ZBTB7A: variants seen among roughly 807,000 people sequenced by gnomAD.
ZBTB7A encodes the protein zinc finger and BTB domain-containing protein 7A.
Under a neutral mutation model 26.7 loss-of-function variants are expected in ZBTB7A, and 7 were observed. The observed-to-expected ratio is 0.26, with a 90% confidence interval of 0.15 to 0.49. The LOEUF is 0.49. ZBTB7A is among the 20% of genes least tolerant of loss of function. The probability of loss-of-function intolerance (pLI) is 0.98; values close to 1 mark genes in which losing one functional copy is unlikely to be tolerated. For synonymous variants in ZBTB7A, 452 were observed against 441.0 expected, an observed-to-expected ratio of 1.02 and a Z score of -0.31; for missense variants, 617 against 919.5, an observed-to-expected ratio of 0.67 and a Z score of 4.25.
chr19:4,054,840 G>A lies in ZBTB7A; in HGVS notation c.393C>T (p.Ile131=), dbSNP rs780835865. 6.2e-7 allele frequency: 1 copy of A among 1,606,828 alleles called. No homozygotes were observed. The highest frequency in any genetic ancestry group is 1.3e-5 in the African/African-American group (1 of 74,752). The change falls in exon 2 of 3, where the codon ATC becomes ATT. Residue 131 remains isoleucine, a synonymous_variant. Coordinates refer to ENST00000322357, the MANE Select transcript of ZBTB7A (RefSeq NM_015898.4). ...HVCADLLDRQ[I]LAADAGADAG... The stretch of plus-strand genomic sequence containing the variant: ...CGTCGGCGCCCGCGTCGGCCGCCAG[G>A]ATCTGCCGGTCCAGGAGGTCGGCGC...
In ZBTB7A at chr19:4,043,575, GC is replaced by G. The variant is rs1021679594; in HGVS notation, c.*4176del. Among the ~76,000 whole-genome samples, 1 of 151,324 alleles carries G rather than the reference GC, an allele frequency of 6.6e-6. No homozygotes were observed. The highest frequency in any genetic ancestry group is 2.4e-5 in the African/African-American group (1 of 41,122). On this transcript the variant is annotated 3_prime_UTR_variant, in exon 3 of 3. Transcript: ENST00000322357. ...CCCCGCCCCCCATTCACCAGGCCTG[GC>G]CCCTCCAAAGTCCAAGGCACCTCGA...
intron 1 of ZBTB7A, among the ~76,000 whole-genome samples, chr19:4,059,821 G>A (rs1443483633): frequency 3.3e-5 from 5 of 152,128 alleles, no homozygotes; most frequent in African/African-American, 7.2e-5. Context: ...CCCTGCCTCC[G>A]AGGTGGGAGA....
At position 4,052,863 on chromosome 19, in the gene ZBTB7A, T is replaced by C. The variant is rs1330559498; in HGVS notation, c.1262+1108A>G. Among the ~76,000 whole-genome samples, 1 of 152,338 alleles carries C rather than the reference T, an allele frequency of 6.6e-6. No individual in the cohort carries two copies. Among genetic ancestry groups the C allele is most frequent in the African/African-American group, 2.4e-5 (1 of 41,572 alleles). ...CAAGCTGAGCTGGCCTCAGGGCCTC[T>C]GCACTGGCTGTTCCCTCTGCCTGGA... On this transcript the variant is annotated intron_variant, in intron 2 of 2. Transcript: ENST00000322357. This position sits in a 1 kb window ranked among gnomAD's most constrained non-coding sequence, Gnocchi z 4.9.
chr19:4,054,184 TCCATGACGCCCTTGTCGTCGGCCCGCGA>T lies in ZBTB7A; in HGVS notation c.1021_1048del (p.Ser341ThrfsTer4). On this transcript the variant is annotated frameshift_variant, in exon 2 of 3. Coordinates refer to ENST00000322357, the MANE Select transcript of ZBTB7A (RefSeq NM_015898.4). LOFTEE classifies it high-confidence loss of function. ...GCCGCTGAAGTACTTCAGGTAGTAG[TCCATGACGCCCTTGTCGTCGGCCCGCGA>T]CTCCTCGTCGCTGTCCCCCGCCGCG... 1.3e-6 allele frequency: 2 copies of T among 1,597,560 alleles called. No individual in the cohort carries two copies. The highest frequency in any genetic ancestry group is 1.7e-6 in the Non-Finnish European group (2 of 1,177,730).
At position 4,047,711 on chromosome 19, in the gene ZBTB7A, G is replaced by T; in HGVS notation, c.*41C>A. 6.4e-7 allele frequency: 1 copy of T among 1,566,564 alleles called. No homozygotes were observed. Among genetic ancestry groups the T allele is most frequent in the African/African-American group, 1.4e-5 (1 of 71,528 alleles). On this transcript the variant is annotated 3_prime_UTR_variant, in exon 3 of 3. Transcript: ENST00000322357. The stretch of plus-strand genomic sequence containing the variant: ...TGGGTGATTTTTTTTCTCTCTCTCT[G>T]TCTCTCTCTTTCTCGGGTTTCTGTT...
chr19:4,056,407 G>A (rs1192047657), intron 1 of ZBTB7A, among the ~76,000 whole-genome samples: 1 of 152,194 alleles, frequency 6.6e-6, no homozygotes, highest in Non-Finnish European at 1.5e-5. Context: ...CCCCTCCGAG[G>A]AGGGCCCCCG....
At chr19:4,049,164 G>GTATATATATATATATATATA (rs748377446) in intron 2 of ZBTB7A, among the ~76,000 whole-genome samples, 1 of 21,176 alleles carries the variant, frequency 4.7e-5, no homozygotes, top group Non-Finnish European at 1.3e-4. Context: ...GTGTGTGTGT[G>GTATATATATATATATATATA]TGTGTATATA....
chr19:4,053,082 C>A (rs1010373531), intron 2 of ZBTB7A, among the ~76,000 whole-genome samples: 1 of 152,216 alleles, frequency 6.6e-6, no homozygotes, highest in African/African-American at 2.4e-5. Flanking sequence ...GGGCCTGTCA[C>A]CCTCTCCCAA....
intron 1 of ZBTB7A, among the ~76,000 whole-genome samples, chr19:4,060,362 C>G (rs2040626523): frequency 6.6e-6 from 1 of 152,240 alleles, no homozygotes; most frequent in Non-Finnish European, 1.5e-5. Flanking sequence ...CCCATCTAAC[C>G]TAAGGGTCAC....
intron 2 of ZBTB7A, among the ~76,000 whole-genome samples, chr19:4,053,605 G>A (rs1042295053): frequency 6.6e-6 from 1 of 151,274 alleles, no homozygotes; most frequent in Non-Finnish European, 1.5e-5. Context: ...GCGTGCATGT[G>A]TATGTGATGT....
Position 4,055,086 on chromosome 19 carries a change from G to A in ZBTB7A, c.147C>T (p.Arg49=). The A allele has an allele frequency of 6.2e-7, 1 of 1,610,054 alleles. No homozygotes were observed. The highest frequency in any genetic ancestry group is 8.5e-7 in the Non-Finnish European group (1 of 1,179,702). The change falls in exon 2 of 3, where the codon CGC becomes CGT. Residue 49 remains arginine, a synonymous_variant. Coordinates refer to ENST00000322357, the MANE Select transcript of ZBTB7A (RefSeq NM_015898.4). ...ACTGGCTGCAGGCGGCCAGCACCGA[G>A]CGGTGCGTGGGGAACTCGCGGCCCT... ...LVEGREFPTH[R]SVLAACSQYF... is the part of the protein sequence containing the mutation.
chr19:4,053,980 C>A lies in ZBTB7A; in HGVS notation c.1253G>T (p.Arg418Leu). The change falls in exon 2 of 3, where the codon CGC (arginine) becomes CTC (leucine). Residue 418 changes from arginine (R) to leucine (L), a missense_variant. This residue lies in a region of ZBTB7A where 41 missense variants were observed against 167.6 expected (regional missense o/e 0.24). Transcript: ENST00000322357. ...KPYECNICKVRFTRQDKLKVH... is the reference protein window; with the variant it reads ...KPYECNICKVLFTRQDKLKVH... The stretch of plus-strand genomic sequence containing the variant: ...GCGGCGGGCAGCTCACCTGGTGAAG[C>A]GGACCTTGCAGATGTTGCACTCGTA... 6.2e-7 allele frequency: 1 copy of A among 1,600,372 alleles called. No homozygotes were observed. Among genetic ancestry groups the A allele is most frequent in the South Asian group, 1.1e-5 (1 of 90,366 alleles).
In ZBTB7A at chr19:4,065,216, G is replaced by A. The variant is rs144546362; in HGVS notation, c.-16+1466C>T. Among the ~76,000 whole-genome samples the A allele has an allele frequency of 4.2e-3, 632 of 151,592 alleles. 8 individuals are homozygous for A. The highest frequency in any genetic ancestry group is 0.015 in the African/African-American group (613 of 41,386). On this transcript the variant is annotated intron_variant, in intron 1 of 2. Coordinates refer to ENST00000322357, the MANE Select transcript of ZBTB7A (RefSeq NM_015898.4). ...GGTCACGCGCTTTGGGGGCGCGGAC[G>A]GCGGGGACTGGGGTGCTCTCTCCGC... is the stretch of plus-strand genomic sequence containing the variant.
In ZBTB7A at chr19:4,054,470, C is replaced by T; in HGVS notation, c.763G>A (p.Gly255Ser). The change falls in exon 2 of 3, where the codon GGT (glycine) becomes AGT (serine). Residue 255 changes from glycine to serine, a missense_variant. Around this residue, in one of 5 missense-constraint regions of ZBTB7A, gnomAD observed 331 missense variants for 391.3 expected, o/e 0.85. Coordinates refer to ENST00000322357, the MANE Select transcript of ZBTB7A (RefSeq NM_015898.4). Reference protein sequence around the residue: ...PERDEDAPTGGLFPPPVAPPA... With the variant: ...PERDEDAPTGSLFPPPVAPPA... Reference sequence around the variant, plus strand: ...GGGGCCACCGGCGGCGGAAAGAGACCCCCGGTGGGGGCGTCCTCATCCCGC... The same window carrying T: ...GGGGCCACCGGCGGCGGAAAGAGACTCCCGGTGGGGGCGTCCTCATCCCGC... The T allele has an allele frequency of 1.5e-6, 2 of 1,370,402 alleles. No individual in the cohort carries two copies. Among genetic ancestry groups the T allele is most frequent in the Non-Finnish European group, 1.9e-6 (2 of 1,070,230 alleles). 84.9% of individuals were successfully genotyped at this position (1,370,402 alleles called of 1,614,324 possible).
chr19:4,059,384 G>C lies in ZBTB7A; in HGVS notation c.-15-4137C>G, dbSNP rs547226306. On this transcript the variant is annotated intron_variant, in intron 1 of 2. Coordinates refer to ENST00000322357, the MANE Select transcript of ZBTB7A (RefSeq NM_015898.4). The stretch of plus-strand genomic sequence containing the variant: ...GATCCCAGTTCCAGGTTGGGTCCGG[G>C]GGTCCCAGTCTCTGCCCTCTCCAGC... Among the ~76,000 whole-genome samples the C allele has an allele frequency of 1.2e-4, 19 of 152,236 alleles. No individual in the cohort carries two copies. In the South Asian group the frequency reaches 3.7e-3, roughly 30 times the overall value.
Position 4,043,428 on chromosome 19 carries a change from C to T in ZBTB7A, c.*4324G>A, listed in dbSNP as rs1403071360. Among the ~76,000 whole-genome samples the T allele has an allele frequency of 6.7e-6, 1 of 149,732 alleles. No homozygotes were observed. Among genetic ancestry groups the T allele is most frequent in the Non-Finnish European group, 1.5e-5 (1 of 67,668 alleles). ...ATTACTTTTAAAGCTTCTCCCTCCC[C>T]ACTCCCAAAAAGTGCATTTTTATCA... On this transcript the variant is annotated 3_prime_UTR_variant, in exon 3 of 3. Transcript: ENST00000322357.
At chr19:4,051,951 A>G (rs2040508419) in intron 2 of ZBTB7A, among the ~76,000 whole-genome samples, 1 of 151,366 alleles carries the variant, frequency 6.6e-6, no homozygotes, top group Admixed American at 6.6e-5. Context: ...CACTTACTCA[A>G]CGCCCTGCTG....
chr19:4,062,637 A>T (rs2145008053), intron 1 of ZBTB7A: 2 of 152,308 alleles, frequency 1.3e-5, no homozygotes, highest in East Asian at 3.9e-4. Context: ...TACCAGCAGG[A>T]GATGAAATCC....
intron 1 of ZBTB7A, among the ~76,000 whole-genome samples, chr19:4,055,822 C>CA (rs896735121): frequency 2.0e-5 from 3 of 152,036 alleles, no homozygotes; most frequent in African/African-American, 4.8e-5. Flanking sequence ...GACTCCATCT[C>CA]AAAAAAACAA....
Sources: gnomAD v4.1 joint callset for allele counts (sites outside exome capture counted in the v4.1 genomes callset) on GRCh38, gnomAD v4.1.1 for gene constraint, gnomAD v4.1.1 regional missense constraint, Gnocchi (gnomAD v3.1) non-coding constraint, MANE v1.5 for transcripts, NCBI Gene and HGNC (gene_info 2026-07-23, HGNC 2026-07-21) for gene names.